Variants in IKBKB observed in about 807,000 individuals in gnomAD.
IKBKB encodes inhibitor of nuclear factor kappa-B kinase subunit beta.
Under a neutral mutation model 113.6 loss-of-function variants are expected in IKBKB, and 42 were observed. The ratio of observed to expected loss-of-function variants is 0.37; its 90% confidence interval spans 0.29 to 0.48. The LOEUF is 0.48. Ranked by LOEUF, IKBKB falls within the 20% of genes least tolerant of loss-of-function variation. The pLI, the probability that IKBKB is intolerant of heterozygous loss-of-function variation, is 0.99. For missense variants in IKBKB, 673 were observed against 939.7 expected (o/e 0.72, Z 3.71); for synonymous variants, 296 against 361.3 (o/e 0.82, Z 2.05).
chr8:42,275,021 C>T (rs763007154), intron 2 of IKBKB, among the ~76,000 whole-genome samples: 18 of 150,476 alleles, frequency 1.2e-4, no homozygotes, highest in South Asian at 4.2e-4. Context: ...GGATTATAGC[C>T]GTGCACCACC....
intron 6 of IKBKB, among the ~76,000 whole-genome samples, chr8:42,305,670 G>A (rs1728118175): frequency 6.6e-6 from 1 of 152,202 alleles, no homozygotes; most frequent in South Asian, 2.1e-4. Flanking sequence ...AGAGGCACTG[G>A]GAGCTGGCCT....
intron 2 of IKBKB, among the ~76,000 whole-genome samples, chr8:42,282,229 G>A (rs552116669): frequency 4.6e-5 from 7 of 152,204 alleles, no homozygotes; most frequent in South Asian, 2.1e-4. Flanking sequence ...AGTAGTCCAC[G>A]CTGGAGTGCA....
At chr8:42,317,822 G>C in intron 12 of IKBKB, 51 bp downstream of exon 12, 3 of 1,323,622 alleles carry the variant, frequency 2.3e-6, no homozygotes, top group Non-Finnish European at 3.3e-6. Context: ...ATAATATGTG[G>C]GACAAGGCAG....
intron 16 of IKBKB, 93 bp from the exon 17 acceptor site, chr8:42,321,803 G>T: frequency 1.2e-6 from 1 of 862,244 alleles, no homozygotes; most frequent in South Asian, 1.8e-5. Context: ...GACCAGCCTG[G>T]GCAACATGGT....
chr8:42,322,201 G>A, intron 18 of IKBKB, 48 bp downstream of exon 18: 1 of 1,567,898 alleles, frequency 6.4e-7, no homozygotes, highest in Non-Finnish European at 8.8e-7. Context: ...GGGAGATGCA[G>A]GTATGAGGTC....
chr8:42,303,046 C>T (rs1391214539), intron 5 of IKBKB, among the ~76,000 whole-genome samples: 2 of 146,744 alleles, frequency 1.4e-5, no homozygotes, highest in South Asian at 2.2e-4. Flanking sequence ...TTCCCCTCCC[C>T]GGCTTGCCGA....
chr8:42,320,671 G>A (rs547090491), intron 15 of IKBKB, 64 bp from the exon 16 acceptor site: 23 of 1,355,548 alleles, frequency 1.7e-5, no homozygotes, highest in African/African-American at 1.0e-4. Flanking sequence ...TCGCTCCCCC[G>A]CAGATCTTGC....
Position 42,317,701 on chromosome 8 carries a change from T to G in IKBKB, c.1170T>G (p.Phe390Leu). The change falls in exon 12 of 22, where the codon TTT becomes TTG. Residue 390 changes from phenylalanine (F) to leucine (L), a missense_variant. Physicochemically the swap from Phe to Leu is conservative, Grantham distance 22. This residue lies in a region of IKBKB where 506 missense variants were observed against 638.7 expected (regional missense o/e 0.79). Coordinates refer to ENST00000520810, the MANE Select transcript of IKBKB (RefSeq NM_001556.3). ...TGGACATGGATCTTGTTTTTCTCTT[T>G]GACAACAGTAAAATCACCTATGAGA... ...HTLDMDLVFL[F>L]DNSKITYETQ... is the part of the protein sequence containing the mutation. The G allele has an allele frequency of 6.2e-7, 1 of 1,614,054 alleles. No individual in the cohort carries two copies. Among genetic ancestry groups the G allele is most frequent in the Non-Finnish European group, 8.5e-7 (1 of 1,179,910 alleles).
chr8:42,324,424 C>G (rs1820341090), intron 19 of IKBKB, among the ~76,000 whole-genome samples: 1 of 152,136 alleles, frequency 6.6e-6, no homozygotes, highest in South Asian at 2.1e-4. Context: ...GCCCCCACAC[C>G]TGGCTAATTT....
chr8:42,307,432 G>T (rs535248592), intron 7 of IKBKB, among the ~76,000 whole-genome samples: 6 of 152,208 alleles, frequency 3.9e-5, no homozygotes, highest in African/African-American at 1.4e-4. Context: ...TCTTTGGAAA[G>T]CCCACTCCTG....
In IKBKB at chr8:42,330,940, GGAA is replaced by G. The variant is rs774937660; in HGVS notation, c.2241_2243del (p.Glu748del). On this transcript the variant is annotated inframe_deletion, in exon 22 of 22. Coordinates refer to ENST00000520810, the MANE Select transcript of IKBKB (RefSeq NM_001556.3). ...CCCTAGACTGGAGCTGGTTACAGAC[GGAA>G]GAAGAAGAGCACAGCTGCCTGGAGC... The G allele has an allele frequency of 9.3e-6, 15 of 1,614,070 alleles. No individual in the cohort carries two copies. The highest frequency in any genetic ancestry group is 2.2e-5 in the East Asian group (1 of 44,896).
chr8:42,294,014 G>A (rs1380457843), intron 5 of IKBKB, among the ~76,000 whole-genome samples: 2 of 152,228 alleles, frequency 1.3e-5, no homozygotes, highest in Admixed American at 6.5e-5. Context: ...TCATGGAGAA[G>A]AGTGACCTCA....
chr8:42,319,793 A>G (rs1563359555), intron 15 of IKBKB, 147 bp downstream of exon 15: 1 of 690,200 alleles, frequency 1.4e-6, no homozygotes, highest in African/African-American at 1.8e-5. Flanking sequence ...GACCAGCTGA[A>G]AAGAGGCCAA....
chr8:42,286,805 A>G (rs1044092486), intron 2 of IKBKB, among the ~76,000 whole-genome samples: 2 of 152,234 alleles, frequency 1.3e-5, no homozygotes, highest in Admixed American at 6.5e-5. Flanking sequence ...CAGGGCCTCT[A>G]GGACATCCTT....
At chr8:42,304,171 A>C (rs1816023115) in intron 5 of IKBKB, among the ~76,000 whole-genome samples, 1 of 152,226 alleles carries the variant, frequency 6.6e-6, no homozygotes, top group African/African-American at 2.4e-5. Context: ...CAACTGGCTA[A>C]ATTTTATCCA....
intron 2 of IKBKB, among the ~76,000 whole-genome samples, chr8:42,274,290 A>G (rs1295212671): frequency 6.6e-6 from 1 of 152,184 alleles, no homozygotes; most frequent in Non-Finnish European, 1.5e-5. Flanking sequence ...TCAGCCACCC[A>G]AAGTGCTTGG....
chr8:42,283,246 C>T (rs2130192678), intron 2 of IKBKB, among the ~76,000 whole-genome samples: 1 of 152,270 alleles, frequency 6.6e-6, no homozygotes, highest in Admixed American at 6.5e-5. Flanking sequence ...GTCATCTAAT[C>T]TATTTTTTGG....
chr8:42,280,724 C>T (rs1460912857), intron 2 of IKBKB, among the ~76,000 whole-genome samples: 1 of 152,146 alleles, frequency 6.6e-6, no homozygotes, highest in African/African-American at 2.4e-5. Flanking sequence ...GGCCAGGAAG[C>T]GCTGCCTGGG....
At chr8:42,290,061 T>G in intron 3 of IKBKB, 95 bp from the exon 4 acceptor site, 1 of 861,684 alleles carries the variant, frequency 1.2e-6, no homozygotes, top group Non-Finnish European at 1.9e-6. Flanking sequence ...AGCCCTGGGT[T>G]ATCCTGGGCC....
Sources: allele counts gnomAD v4.1 joint callset (sites outside exome capture counted in the v4.1 genomes callset), GRCh38; gene constraint gnomAD v4.1.1; regional missense constraint gnomAD v4.1.1; transcripts MANE v1.5; gene names NCBI Gene and HGNC (gene_info 2026-07-23, HGNC 2026-07-21).